Variants in SRFBP1 observed in about 807,000 individuals in gnomAD.
SRFBP1 encodes serum response factor-binding protein 1.
A neutral mutation model predicts 45.5 loss-of-function variants in SRFBP1; 47 were observed. The ratio of observed to expected loss-of-function variants is 1.03; its 90% CI spans 0.82 to 1.32. The LOEUF is 1.32. Among genes scored for constraint, SRFBP1 ranks in the 40% most tolerant of loss-of-function variants. SRFBP1 has a pLI of 0.00. For missense variants in SRFBP1, 621 were observed against 484.6 expected, an observed-to-expected ratio of 1.28 and a Z score of -2.64; for synonymous variants, 203 against 166.3, an observed-to-expected ratio of 1.22 and a Z score of -1.70.
intron 4 of SRFBP1, among the ~76,000 whole-genome samples, chr5:122,012,740 A>G (rs547190294): frequency 1.4e-4 from 22 of 152,278 alleles, no homozygotes; most frequent in Admixed American, 7.2e-4. Context: ...TTTTAATTCA[A>G]TGAAAGCCTC....
At chr5:122,038,705 T>A (rs1388155889) in intron 2 of SRFBP1, among the ~76,000 whole-genome samples, 1 of 152,172 alleles carries the variant, frequency 6.6e-6, no homozygotes, top group African/African-American at 2.4e-5. Flanking sequence ...GCTTGAAAAC[T>A]TTATTTAGGA....
chr5:122,004,386 T>C (rs1752938408), intron 4 of SRFBP1, among the ~76,000 whole-genome samples: 1 of 152,204 alleles, frequency 6.6e-6, no homozygotes, highest in Non-Finnish European at 1.5e-5. Context: ...CAGACTGTCC[T>C]TTCCTTATTG....
Position 121,969,213 on chromosome 5 carries a change from C to T in SRFBP1, c.37-4983C>T, listed in dbSNP as rs183822136. On this transcript the variant is annotated intron_variant, in intron 1 of 7. Transcript: ENST00000339397. ...ATGAGAAAGCTAGTTTATTAAAAAACGTGTCTAATATGCGTAATAAATGCT... is the reference window on the plus strand; with the variant it reads ...ATGAGAAAGCTAGTTTATTAAAAAATGTGTCTAATATGCGTAATAAATGCT... 3.9e-5 allele frequency among the ~76,000 whole-genome samples: 6 copies of T among 152,240 alleles called. No homozygotes were observed. The East Asian group carries it at 9.6e-4, about 24-fold the overall frequency.
intron 2 of SRFBP1, chr5:122,069,822 T>C: frequency 7.9e-6 from 4 of 508,598 alleles, no homozygotes; most frequent in South Asian, 6.8e-5. Flanking sequence ...GGTCTGTTTA[T>C]GTCTTCTCCT....
At chr5:121,999,493 A>C (rs1361435760) in intron 4 of SRFBP1, among the ~76,000 whole-genome samples, 1 of 152,054 alleles carries the variant, frequency 6.6e-6, no homozygotes, top group Non-Finnish European at 1.5e-5. Flanking sequence ...CAGATTATCC[A>C]TATTTTTACT....
chr5:122,060,423 A>G (rs1398161242), intron 2 of SRFBP1, among the ~76,000 whole-genome samples: 4 of 151,938 alleles, frequency 2.6e-5, no homozygotes, highest in Non-Finnish European at 4.4e-5. Flanking sequence ...CATCACACCC[A>G]CACATAAGCC....
chr5:122,022,757 T>G (rs1753389037), intron 7 of SRFBP1, among the ~76,000 whole-genome samples: 1 of 152,234 alleles, frequency 6.6e-6, no homozygotes, highest in South Asian at 2.1e-4. Context: ...ATAACAAGTA[T>G]ATTACTTTCT....
chr5:122,004,579 T>C (rs576418704), intron 4 of SRFBP1, among the ~76,000 whole-genome samples: 1 of 152,174 alleles, frequency 6.6e-6, no homozygotes, highest in African/African-American at 2.4e-5. Flanking sequence ...TCTAGCTATA[T>C]AGGTTTATAG....
chr5:121,997,153 G>A, intron 4 of SRFBP1, among the ~76,000 whole-genome samples: 1 of 144,932 alleles, frequency 6.9e-6, no homozygotes, highest in African/African-American at 2.6e-5. Context: ...TCACAGAATT[G>A]GAAAAAACTA....
intron 2 of SRFBP1, among the ~76,000 whole-genome samples, chr5:122,061,172 C>T (rs1754163361): frequency 1.3e-5 from 2 of 151,628 alleles, no homozygotes; most frequent in South Asian, 4.2e-4. Flanking sequence ...CATTAATTCA[C>T]TAAAGACATA....
chr5:121,986,452 A>G (rs1752520111), intron 3 of SRFBP1, among the ~76,000 whole-genome samples: 1 of 152,024 alleles, frequency 6.6e-6, no homozygotes, highest in South Asian at 2.1e-4. Flanking sequence ...ATATAACCAA[A>G]TTTCCCTGGG....
rs529676459 is a variant in SRFBP1, at chr5:122,010,687, G to A, written c.271-8573G>A. On this transcript the variant is annotated intron_variant, in intron 4 of 7. Coordinates refer to ENST00000339397, the MANE Select transcript of SRFBP1 (RefSeq NM_152546.3). Reference sequence around the variant, plus strand: ...TTCACATATAACATTCTGTATGTATGTATGTGTGTGTGTATCAAATTAAAT... The same window carrying A: ...TTCACATATAACATTCTGTATGTATATATGTGTGTGTGTATCAAATTAAAT... 4.0e-5 allele frequency among the ~76,000 whole-genome samples: 6 copies of A among 149,768 alleles called. No homozygotes were observed. In the East Asian group the frequency reaches 1.2e-3, roughly 29 times the overall value.
At chr5:121,968,472 C>T (rs772192155) in intron 1 of SRFBP1, among the ~76,000 whole-genome samples, 5 of 152,138 alleles carry the variant, frequency 3.3e-5, no homozygotes, top group African/African-American at 1.2e-4. Context: ...GGGGGGACTA[C>T]TGTATTTTAT....
intron 2 of SRFBP1, among the ~76,000 whole-genome samples, 159 bp from the exon 3 acceptor site, chr5:121,975,155 GT>G (rs1007529401): frequency 1.6e-4 from 25 of 151,958 alleles, no homozygotes; most frequent in Non-Finnish European, 3.4e-4. Flanking sequence ...ATTGAGGTGT[GT>G]TTTGGGAGTG....
chr5:121,989,903 C>G (rs528952967), intron 3 of SRFBP1, among the ~76,000 whole-genome samples: 1 of 152,154 alleles, frequency 6.6e-6, no homozygotes, highest in African/African-American at 2.4e-5. Flanking sequence ...TGTTCTCTTT[C>G]AACTTTGTTT....
rs191943788 is a variant in SRFBP1, at chr5:122,043,272, G to A, written n.311+20865G>A. On this transcript the variant is annotated intron_variant and non_coding_transcript_variant, in intron 2 of 2. Transcript: ENST00000504881. ...CCTCTGTCGCCCAAGCTGGAGTGCA[G>A]TGGTGCGATTTTGGCTCACTGCAAC... 2.6e-5 allele frequency among the ~76,000 whole-genome samples: 4 copies of A among 151,844 alleles called. No individual in the cohort carries two copies. The East Asian group carries it at 7.8e-4, about 29-fold the overall frequency.
chr5:121,989,825 A>C (rs942737077), intron 3 of SRFBP1, among the ~76,000 whole-genome samples: 1 of 152,182 alleles, frequency 6.6e-6, no homozygotes, highest in Non-Finnish European at 1.5e-5. Context: ...TAGAATACTT[A>C]TGAGCAGTAA....
intron 4 of SRFBP1, among the ~76,000 whole-genome samples, chr5:121,999,174 A>G (rs928889728): frequency 6.6e-6 from 1 of 151,890 alleles, no homozygotes; most frequent in African/African-American, 2.4e-5. Flanking sequence ...GTTATGCTGT[A>G]TTTTCTTTTC....
intron 2 of SRFBP1, among the ~76,000 whole-genome samples, chr5:122,048,161 A>C (rs1417851617): frequency 6.6e-6 from 1 of 152,188 alleles, no homozygotes; most frequent in South Asian, 2.1e-4. Flanking sequence ...TTGCCCATTC[A>C]GTATGATATT....
Sources: allele counts gnomAD v4.1 joint callset (sites outside exome capture counted in the v4.1 genomes callset), GRCh38; gene constraint gnomAD v4.1.1; transcripts MANE v1.5; gene names NCBI Gene and HGNC (gene_info 2026-07-23, HGNC 2026-07-21).